MAP2K5: variants seen among roughly 807,000 people sequenced by gnomAD.
The protein encoded by MAP2K5 is mitogen-activated protein kinase kinase 5.
A neutral mutation model predicts 83.1 loss-of-function variants in MAP2K5; 49 were observed. The ratio of observed to expected loss-of-function variants is 0.59; its 90% CI spans 0.47 to 0.75. MAP2K5 has a LOEUF of 0.75. Ranked by LOEUF, MAP2K5 falls within the 30% of genes least tolerant of loss-of-function variation. The pLI, the probability that MAP2K5 is intolerant of heterozygous loss-of-function variation, is 0.00. For synonymous variants in MAP2K5, 202 were observed against 191.8 expected (o/e 1.05, Z -0.44); for missense variants, 457 against 557.5 (o/e 0.82, Z 1.82).
intron 21 of MAP2K5, among the ~76,000 whole-genome samples, chr15:67,797,345 A>C (rs930233046): frequency 6.6e-6 from 1 of 152,234 alleles, no homozygotes; most frequent in African/African-American, 2.4e-5. Flanking sequence ...TCTGAAGTAC[A>C]TCAAGAGTTG....
chr15:67,782,525 C>T lies in MAP2K5; in HGVS notation c.1242+9773C>T, dbSNP rs138911936. On this transcript the variant is annotated intron_variant, in intron 21 of 21. Transcript: ENST00000178640. The surrounding 1 kb of genome is among the most constrained non-coding windows in gnomAD (Gnocchi z 4.9). ...TTTTTTTTCAGCGCCTCACAGTAGG[C>T]GCCTCTCTTCTCACAGTGACCAGGC... Among the ~76,000 whole-genome samples, 4 of 152,156 alleles carry T rather than the reference C, an allele frequency of 2.6e-5. No individual in the cohort carries two copies. Among genetic ancestry groups the T allele is most frequent in the South Asian group, 4.2e-4 (2 of 4,818 alleles).
intron 3 of MAP2K5, among the ~76,000 whole-genome samples, chr15:67,576,227 C>T (rs922392808): frequency 6.8e-6 from 1 of 147,018 alleles, no homozygotes; most frequent in Non-Finnish European, 1.5e-5. Flanking sequence ...TTCTCTCTTT[C>T]TTAATAGAAA....
Position 67,786,822 on chromosome 15 carries a change from G to A in MAP2K5, c.1242+14070G>A, listed in dbSNP as rs1012996747. Among the ~76,000 whole-genome samples the A allele has an allele frequency of 1.3e-5, 2 of 152,220 alleles. No homozygotes were observed. The highest frequency in any genetic ancestry group is 4.8e-5 in the African/African-American group (2 of 41,448). ...ATAAAAATGTTAGACACTTAGCACA[G>A]TGTCTGGCATAAAATAAGTGTTCAA... On this transcript the variant is annotated intron_variant, in intron 21 of 21. Transcript: ENST00000178640. The surrounding 1 kb of genome is among the most constrained non-coding windows in gnomAD (Gnocchi z 4.7).
At position 67,696,208 on chromosome 15, in the gene MAP2K5, A is replaced by C. The variant is rs149510664; in HGVS notation, c.972+2640A>C. ...TAATTTTGAGTTCTACATGAGCCCT[A>C]TGCCAAATATCCATGAACTACAGTT... On this transcript the variant is annotated intron_variant, in intron 15 of 21. Transcript: ENST00000178640. 4.6e-4 allele frequency among the ~76,000 whole-genome samples: 69 copies of C among 149,448 alleles called. No homozygotes were observed. In the East Asian group the frequency reaches 0.012, roughly 26 times the overall value.
chr15:67,680,132 GTATTATAGCATGTGTCTA>G (rs2087780818), intron 13 of MAP2K5, among the ~76,000 whole-genome samples: 1 of 152,190 alleles, frequency 6.6e-6, no homozygotes, highest in Non-Finnish European at 1.5e-5. Flanking sequence ...AGATGTGTCT[GTATTATAGCATGTGTCTA>G]TAGTTCATTC....
In MAP2K5 at chr15:67,657,516, T is replaced by C. The variant is rs150727580; in HGVS notation, c.737-1037T>C. On this transcript the variant is annotated intron_variant, in intron 11 of 21. Coordinates refer to ENST00000178640, the MANE Select transcript of MAP2K5 (RefSeq NM_145160.3). ...TTACATCTATAATAAAAATGTAATT[T>C]TGGTAAATAAGGGTGGTTCAGTTCA... Among the ~76,000 whole-genome samples the C allele has an allele frequency of 2.0e-3, 297 of 152,248 alleles. 2 individuals are homozygous for C. The highest frequency in any genetic ancestry group is 6.6e-3 in the African/African-American group (275 of 41,552).
intron 7 of MAP2K5, among the ~76,000 whole-genome samples, chr15:67,593,688 G>C (rs545709783): frequency 6.6e-6 from 1 of 152,202 alleles, no homozygotes; most frequent in Non-Finnish European, 1.5e-5. Flanking sequence ...GGAGGCAGGC[G>C]CCTGTCCATT....
intron 11 of MAP2K5, among the ~76,000 whole-genome samples, chr15:67,656,280 A>G (rs1474811829): frequency 6.6e-6 from 1 of 151,868 alleles, no homozygotes; most frequent in African/African-American, 2.4e-5. Context: ...AAAAGTTCAC[A>G]TGTGATTCTC....
chr15:67,689,012 A>G (rs1355696162), intron 13 of MAP2K5, among the ~76,000 whole-genome samples: 3 of 152,230 alleles, frequency 2.0e-5, no homozygotes, highest in East Asian at 1.9e-4. Flanking sequence ...TTAAAGATGT[A>G]TAAAGTATAC....
intron 3 of MAP2K5, among the ~76,000 whole-genome samples, chr15:67,569,199 C>G (rs190898203): frequency 2.6e-5 from 4 of 152,270 alleles, no homozygotes; most frequent in Non-Finnish European, 2.9e-5. Flanking sequence ...GTTAGAAGCT[C>G]ATTTTCCACA....
rs757536195 is a variant in MAP2K5, at chr15:67,806,599, C to T, written c.1243-47C>T. On this transcript the variant is annotated intron_variant, in intron 21 of 21. Transcript: ENST00000178640. Reference sequence around the variant, plus strand: ...CAGGCCCTGGAAAGTACAATGAGCGCGGGAGTCCGAGGACTGCCTGTCACA... The same window carrying T: ...CAGGCCCTGGAAAGTACAATGAGCGTGGGAGTCCGAGGACTGCCTGTCACA... The T allele has an allele frequency of 5.2e-5, 77 of 1,495,116 alleles. 1 individual carries two copies. Among genetic ancestry groups the T allele is most frequent in the Middle Eastern group, 1.7e-4 (1 of 5,778 alleles). The allele number at this position is 1,495,116 out of a possible 1,614,324, so 92.6% of individuals were successfully genotyped here.
At chr15:67,625,952 A>C (rs2086309692) in intron 8 of MAP2K5, among the ~76,000 whole-genome samples, 1 of 152,174 alleles carries the variant, frequency 6.6e-6, no homozygotes, top group Non-Finnish European at 1.5e-5. Context: ...ACTATCTGCT[A>C]ATCATTTTCT....
rs369432814 is a variant in MAP2K5, at chr15:67,782,344, C to T, written c.1242+9592C>T. 6.6e-6 allele frequency among the ~76,000 whole-genome samples: 1 copy of T among 152,306 alleles called. No homozygotes were observed. The highest frequency in any genetic ancestry group is 3.4e-3 in the Middle Eastern group (1 of 294). On this transcript the variant is annotated intron_variant, in intron 21 of 21. Coordinates refer to ENST00000178640, the MANE Select transcript of MAP2K5 (RefSeq NM_145160.3). The surrounding 1 kb of genome is among the most constrained non-coding windows in gnomAD (Gnocchi z 4.9). Reference sequence around the variant, plus strand: ...AACAACTGCAATTAAGGCAAATCTGCCGATGTAAACAAAATTTAGCAGAAA... The same window carrying T: ...AACAACTGCAATTAAGGCAAATCTGTCGATGTAAACAAAATTTAGCAGAAA...
chr15:67,709,490 A>G (rs564374179), intron 16 of MAP2K5, among the ~76,000 whole-genome samples: 1 of 151,818 alleles, frequency 6.6e-6, no homozygotes, highest in East Asian at 1.9e-4. Context: ...AAAAAAAAAA[A>G]AAAACTACAG....
chr15:67,556,907 G>A (rs1272809783), intron 2 of MAP2K5, among the ~76,000 whole-genome samples: 2 of 152,084 alleles, frequency 1.3e-5, no homozygotes, highest in Non-Finnish European at 2.9e-5. Flanking sequence ...AAATAAATCA[G>A]GTGGGGATCC....
intron 11 of MAP2K5, among the ~76,000 whole-genome samples, chr15:67,657,622 C>T (rs1274601903): frequency 1.3e-5 from 2 of 151,292 alleles, no homozygotes; most frequent in African/African-American, 2.4e-5. Flanking sequence ...AGTGGTTTCC[C>T]AGTTTCTTGT....
rs147100192 is a variant in MAP2K5 at position 67,603,134 on chromosome 15, T to G, written c.545+2385T>G. On this transcript the variant is annotated intron_variant, in intron 8 of 21. Coordinates refer to ENST00000178640, the MANE Select transcript of MAP2K5 (RefSeq NM_145160.3). ...ATATTTAAGTGTATAGTTAGTGGCA[T>G]TAAGTACATTCACATTGTTGGCAAC... Among the ~76,000 whole-genome samples, 1,291 of 152,354 alleles carry G rather than the reference T, an allele frequency of 8.5e-3. 41 individuals carry two copies. The highest frequency in any genetic ancestry group is 0.062 in the Admixed American group (954 of 15,302).
At chr15:67,682,599 C>T (rs866822771) in intron 13 of MAP2K5, among the ~76,000 whole-genome samples, 1 of 150,498 alleles carries the variant, frequency 6.6e-6, no homozygotes, top group Non-Finnish European at 1.5e-5. Context: ...TTTGGGAGGC[C>T]AAGGCAGGCA....
chr15:67,678,542 G>T (rs1284972933), intron 13 of MAP2K5, among the ~76,000 whole-genome samples: 2 of 152,214 alleles, frequency 1.3e-5, no homozygotes, highest in African/African-American at 4.8e-5. Flanking sequence ...GGAAGTAGAA[G>T]TTGGAGATAC....
Sources: allele counts gnomAD v4.1 joint callset (sites outside exome capture counted in the v4.1 genomes callset), GRCh38; gene constraint gnomAD v4.1.1; non-coding constraint Gnocchi (gnomAD v3.1); transcripts MANE v1.5; gene names NCBI Gene and HGNC (gene_info 2026-07-23, HGNC 2026-07-21).